Variants in IPO11 observed in about 807,000 individuals in gnomAD.
IPO11 encodes the protein importin 11, also known as importin-11.
Under a neutral mutation model 143.2 loss-of-function variants are expected in IPO11, and 66 were observed. The ratio of observed to expected loss-of-function variants is 0.46; its 90% CI spans 0.38 to 0.57. The LOEUF (loss-of-function observed/expected upper bound fraction) is 0.57. Ranked by LOEUF, IPO11 falls within the 20% of genes least tolerant of loss-of-function variation. The pLI is 0.00. For missense variants in IPO11, 1,026 were observed against 1,141.0 expected (o/e 0.90, Z 1.45); for synonymous variants, 385 against 377.8 (o/e 1.02, Z -0.22).
At chr5:62,481,800 T>A (rs1387115705) in intron 9 of IPO11, among the ~76,000 whole-genome samples, 1 of 152,232 alleles carries the variant, frequency 6.6e-6, no homozygotes. Flanking sequence ...GATGCTGGCC[T>A]CATAAAAGGA....
At chr5:62,543,313 C>T (rs1306659155) in intron 24 of IPO11, among the ~76,000 whole-genome samples, 1 of 152,164 alleles carries the variant, frequency 6.6e-6, no homozygotes, top group Admixed American at 6.5e-5. Context: ...TCCGTCTGAT[C>T]CTGGAGTATT....
At chr5:62,474,192 T>C (rs969472299) in intron 7 of IPO11, among the ~76,000 whole-genome samples, 1 of 152,216 alleles carries the variant, frequency 6.6e-6, no homozygotes, top group Non-Finnish European at 1.5e-5. Flanking sequence ...AAGTGATTTA[T>C]GTAACTAAAT....
chr5:62,432,740 A>T (rs1744037598), intron 1 of IPO11, among the ~76,000 whole-genome samples: 1 of 152,116 alleles, frequency 6.6e-6, no homozygotes, highest in African/African-American at 2.4e-5. Context: ...TTTCTCTTCT[A>T]ATTCTTTTAA....
At chr5:62,422,052 A>G (rs1224054455) in intron 1 of IPO11, among the ~76,000 whole-genome samples, 3 of 152,222 alleles carry the variant, frequency 2.0e-5, no homozygotes, top group African/African-American at 7.2e-5. Flanking sequence ...CTGTGTTGTT[A>G]TCTCTATTCA....
chr5:62,519,277 G>A (rs1206235805), intron 20 of IPO11, among the ~76,000 whole-genome samples: 1 of 151,978 alleles, frequency 6.6e-6, no homozygotes, highest in Non-Finnish European at 1.5e-5. Context: ...TTTTAATGTT[G>A]ACAGATAAAG....
chr5:62,563,609 T>A (rs1335605214), intron 27 of IPO11, among the ~76,000 whole-genome samples: 1 of 152,202 alleles, frequency 6.6e-6, no homozygotes, highest in Admixed American at 6.5e-5. Flanking sequence ...TTTGCATATA[T>A]ATAACAAGAT....
At chr5:62,616,719 C>CAAAAAAA (rs538760503) in intron 29 of IPO11, among the ~76,000 whole-genome samples, 17 of 84,438 alleles carry the variant, frequency 2.0e-4, no homozygotes, top group African/African-American at 7.2e-4. Flanking sequence ...GACTCTGACT[C>CAAAAAAA]AAAAAAAAAA....
chr5:62,578,468 A>G (rs1744406201), intron 27 of IPO11, among the ~76,000 whole-genome samples: 1 of 152,130 alleles, frequency 6.6e-6, no homozygotes, highest in Non-Finnish European at 1.5e-5. Context: ...TATTTGAACT[A>G]GCCTTTTCCA....
intron 16 of IPO11, among the ~76,000 whole-genome samples, chr5:62,499,257 T>C (rs1741260203): frequency 6.6e-6 from 1 of 152,258 alleles, no homozygotes; most frequent in African/African-American, 2.4e-5. Flanking sequence ...TGTAGCATGT[T>C]ACTGTACTAA....
chr5:62,465,453 T>C (rs1745539202), intron 5 of IPO11, among the ~76,000 whole-genome samples: 2 of 152,358 alleles, frequency 1.3e-5, no homozygotes, highest in Admixed American at 1.3e-4. Flanking sequence ...TTTTTAAATA[T>C]TATTTCCCTT....
intron 5 of IPO11, among the ~76,000 whole-genome samples, chr5:62,465,615 T>G (rs26628): frequency 0.68 from 103,983 of 152,070 alleles, 35,840 homozygotes; most frequent in African/African-American, 0.75. Context: ...AAAACATTAG[T>G]ATTCAACAGT....
rs200504250 is a variant in IPO11 at position 62,435,136 on chromosome 5, GTATA to G, written c.-6-2134_-6-2131del. Among the ~76,000 whole-genome samples the G allele has an allele frequency of 3.1e-5, 3 of 95,900 alleles. No homozygotes were observed. In the Admixed American group the frequency reaches 3.3e-4, roughly 11 times the overall value. The allele number at this position is 95,900 out of a possible 152,430, so 62.9% of individuals were successfully genotyped here. ...TATATATGTATATATGTATATATAT[GTATA>G]TATGTATATATGTATATATATGTAT... is the stretch of plus-strand genomic sequence containing the variant. On this transcript the variant is annotated intron_variant, in intron 1 of 29. Coordinates refer to ENST00000325324, the MANE Select transcript of IPO11 (RefSeq NM_016338.5).
At chr5:62,464,265 C>T (rs574009715) in intron 5 of IPO11, among the ~76,000 whole-genome samples, 56 of 151,024 alleles carry the variant, frequency 3.7e-4, no homozygotes, top group South Asian at 6.3e-4. Context: ...CTCAGCCTCC[C>T]GAGTAGCTGG....
chr5:62,473,446 G>C (rs1031153955), intron 7 of IPO11, among the ~76,000 whole-genome samples: 26 of 152,124 alleles, frequency 1.7e-4, no homozygotes, highest in African/African-American at 5.5e-4. Flanking sequence ...CAGTACTCTT[G>C]ACTCTAATGT....
intron 28 of IPO11, among the ~76,000 whole-genome samples, chr5:62,596,201 C>A (rs756242886): frequency 1.6e-4 from 22 of 141,586 alleles, no homozygotes; most frequent in Non-Finnish European, 2.9e-4. Flanking sequence ...CCTGAGACAT[C>A]GAGGCTGCAG....
intron 26 of IPO11, among the ~76,000 whole-genome samples, chr5:62,559,727 G>A (rs1177403272): frequency 1.3e-5 from 2 of 151,828 alleles, no homozygotes; most frequent in African/African-American, 4.8e-5. Flanking sequence ...TACCAACCTG[G>A]CCAATATGGT....
At chr5:62,483,930 TTTTA>T (rs1561329665) in intron 10 of IPO11, 76 bp from the exon 11 acceptor site, 6 of 1,221,366 alleles carry the variant, frequency 4.9e-6, no homozygotes, top group African/African-American at 3.2e-5. Flanking sequence ...AGAGTGTATT[TTTTA>T]TTTATTTAAG....
intron 29 of IPO11, 39 bp from the exon 30 acceptor site, chr5:62,627,115 T>C: frequency 1.1e-5 from 17 of 1,557,818 alleles, no homozygotes; most frequent in Non-Finnish European, 1.5e-5. Flanking sequence ...AGACTTGTTT[T>C]GCTTTTTTGA....
In IPO11 at chr5:62,469,037, T is replaced by A. The variant is rs185149769; in HGVS notation, c.650-1213T>A. Among the ~76,000 whole-genome samples the A allele has an allele frequency of 8.4e-4, 128 of 152,292 alleles. 3 individuals carry two copies. Among genetic ancestry groups the A allele is most frequent in the African/African-American group, 3.0e-3 (124 of 41,558 alleles). ...CCACAAATATATTTAAAGTGACACC[T>A]GTGACAGAGGCTTTATGATATTATG... On this transcript the variant is annotated intron_variant, in intron 6 of 29. Transcript: ENST00000325324.
Sources: allele counts gnomAD v4.1 joint callset (sites outside exome capture counted in the v4.1 genomes callset), GRCh38; gene constraint gnomAD v4.1.1; transcripts MANE v1.5; gene names NCBI Gene and HGNC (gene_info 2026-07-23, HGNC 2026-07-21).